DNAH8: variants seen among roughly 807,000 people sequenced by gnomAD.
The protein encoded by DNAH8 is dynein axonemal heavy chain 8, also known as axonemal beta dynein heavy chain 8.
A neutral mutation model predicts 562.1 loss-of-function variants in DNAH8; 382 were observed. That is an observed-to-expected ratio of 0.68 (90% confidence interval 0.63 to 0.74). The LOEUF is 0.74. Ranked by LOEUF, DNAH8 falls within the 30% of genes least tolerant of loss-of-function variation. The pLI is 0.00. For missense variants in DNAH8, 5,203 were observed against 5,620.4 expected, an observed-to-expected ratio of 0.93 and a Z score of 2.37; for synonymous variants, 1,881 against 1,919.4, an observed-to-expected ratio of 0.98 and a Z score of 0.52.
At chr6:38,909,921 G>A (rs552919623) in intron 65 of DNAH8, among the ~76,000 whole-genome samples, 177 bp downstream of exon 65, 2 of 152,162 alleles carry the variant, frequency 1.3e-5, no homozygotes, top group Non-Finnish European at 2.9e-5. Context: ...AAGTAAACAA[G>A]ATTTAAAAAC....
intron 82 of DNAH8, among the ~76,000 whole-genome samples, chr6:38,952,261 T>C (rs73731162): frequency 1.3e-5 from 2 of 151,988 alleles, no homozygotes; most frequent in South Asian, 2.1e-4. Context: ...AACACAGAAG[T>C]GTTTATAAGT....
chr6:38,936,801 A>G (rs1212262974), intron 77 of DNAH8, among the ~76,000 whole-genome samples: 1 of 152,186 alleles, frequency 6.6e-6, no homozygotes, highest in Non-Finnish European at 1.5e-5. Flanking sequence ...GGACTTCCAC[A>G]GTAGACAGCA....
chr6:38,979,687 G>A (rs1487951344), intron 85 of DNAH8, among the ~76,000 whole-genome samples: 1 of 152,154 alleles, frequency 6.6e-6, no homozygotes, highest in Non-Finnish European at 1.5e-5. Flanking sequence ...GCAAATCTCA[G>A]CATTAGGGCA....
Position 38,815,554 on chromosome 6 carries a change from C to T in DNAH8, c.3420C>T (p.His1140=), listed in dbSNP as rs767245933. ...LTLEVSRGVA[H]WGQQQIRPIK... ...TGGAGGTCAGCAGAGGAGTGGCTCACTGGGGGCAACAGCAAATCCGTCCCA... is the reference window on the plus strand; with the variant it reads ...TGGAGGTCAGCAGAGGAGTGGCTCATTGGGGGCAACAGCAAATCCGTCCCA... The change falls in exon 26 of 93, where the codon CAC becomes CAT. Residue 1140 remains histidine (H), a synonymous_variant. Coordinates refer to ENST00000327475, the MANE Select transcript of DNAH8 (RefSeq NM_001206927.2). The T allele has an allele frequency of 3.7e-6, 6 of 1,614,058 alleles. No homozygotes were observed. The highest frequency in any genetic ancestry group is 5.1e-6 in the Non-Finnish European group (6 of 1,179,934).
At chr6:38,796,665 T>G (rs1414131352) in intron 21 of DNAH8, among the ~76,000 whole-genome samples, 2 of 152,148 alleles carry the variant, frequency 1.3e-5, no homozygotes, top group African/African-American at 2.4e-5. Flanking sequence ...TCGTTCTGAT[T>G]ACCGGTGCAT....
intron 34 of DNAH8, 57 bp downstream of exon 34, chr6:38,842,562 T>C: frequency 6.3e-7 from 1 of 1,585,196 alleles, no homozygotes; most frequent in Non-Finnish European, 8.6e-7. Flanking sequence ...TATAGGTATT[T>C]CAGAAGCTAA....
chr6:39,027,539 G>A (rs1767377338), intron 92 of DNAH8, among the ~76,000 whole-genome samples: 1 of 152,160 alleles, frequency 6.6e-6, no homozygotes, highest in African/African-American at 2.4e-5. Flanking sequence ...CTTATTAAAG[G>A]AGTTGTGGCC....
intron 1 of DNAH8, among the ~76,000 whole-genome samples, chr6:38,717,627 ATT>A (rs34952417): frequency 0.12 from 16,829 of 142,986 alleles, 1,520 homozygotes; most frequent in African/African-American, 0.26. Flanking sequence ...TGTACACATG[ATT>A]TTTTTTTTTT....
chr6:39,008,272 A>G (rs1449699555), intron 88 of DNAH8, among the ~76,000 whole-genome samples: 1 of 152,080 alleles, frequency 6.6e-6, no homozygotes, highest in Non-Finnish European at 1.5e-5. Flanking sequence ...GCATGGCTGC[A>G]TTTGAACAGG....
Position 39,003,748 on chromosome 6 carries a change from T to C in DNAH8, c.13215-5066T>C, listed in dbSNP as rs747018376. ...TTTTATAAAGCTTTACTAGGATTTA[T>C]TATTACAAATACTGTTATAAAGTCA... On this transcript the variant is annotated intron_variant, in intron 88 of 92. Transcript: ENST00000327475. 1.1e-3 allele frequency among the ~76,000 whole-genome samples: 169 copies of C among 152,214 alleles called. 1 individual carries two copies. Among genetic ancestry groups the C allele is most frequent in the Non-Finnish European group, 1.2e-3 (80 of 68,030 alleles).
chr6:39,006,748 G>A (rs1765822292), intron 88 of DNAH8, among the ~76,000 whole-genome samples: 1 of 152,178 alleles, frequency 6.6e-6, no homozygotes, highest in African/African-American at 2.4e-5. Context: ...TTACAAACAT[G>A]GTGAATTCAG....
At chr6:38,726,431 T>A (rs2127569647) in intron 3 of DNAH8, among the ~76,000 whole-genome samples, 1 of 152,314 alleles carries the variant, frequency 6.6e-6, no homozygotes, top group Non-Finnish European at 1.5e-5. Context: ...GTAGAAGTGC[T>A]ATGTGCCTAC....
intron 88 of DNAH8, among the ~76,000 whole-genome samples, chr6:39,002,862 T>C (rs996440105): frequency 1.3e-5 from 2 of 152,204 alleles, no homozygotes; most frequent in African/African-American, 4.8e-5. Context: ...CTCGTATCAC[T>C]GTATCTGACT....
chr6:38,859,380 A>G (rs921780805), intron 42 of DNAH8, among the ~76,000 whole-genome samples: 1 of 152,228 alleles, frequency 6.6e-6, no homozygotes, highest in African/African-American at 2.4e-5. Context: ...AAGCAAGATC[A>G]TAACCAAACA....
At chr6:38,910,208 A>G (rs980498639) in intron 65 of DNAH8, among the ~76,000 whole-genome samples, 1 of 152,210 alleles carries the variant, frequency 6.6e-6, no homozygotes, top group Non-Finnish European at 1.5e-5. Context: ...CCAGACAACT[A>G]TGAAACAAAA....
chr6:38,984,478 A>G (rs1764242687), intron 87 of DNAH8, 171 bp downstream of exon 87: 3 of 557,718 alleles, frequency 5.4e-6, no homozygotes, highest in Non-Finnish European at 9.7e-6. Context: ...ATGCACACAC[A>G]CACACACACA....
At chr6:38,893,966 T>G (rs1779511984) in intron 58 of DNAH8, among the ~76,000 whole-genome samples, 1 of 152,236 alleles carries the variant, frequency 6.6e-6, no homozygotes, top group African/African-American at 2.4e-5. Context: ...GGTATCTCTC[T>G]GGGTAAGAAT....
intron 22 of DNAH8, among the ~76,000 whole-genome samples, chr6:38,804,488 C>A (rs1362183860): frequency 6.6e-6 from 1 of 152,120 alleles, no homozygotes; most frequent in Non-Finnish European, 1.5e-5. Context: ...TTACTACGCA[C>A]CTGCTCTTCT....
In DNAH8 at chr6:39,030,710, A is replaced by T. The variant is rs753862469; in HGVS notation, c.*318A>T. On this transcript the variant is annotated 3_prime_UTR_variant, in exon 93 of 93. Coordinates refer to ENST00000327475, the MANE Select transcript of DNAH8 (RefSeq NM_001206927.2). ...AAAAATTTGAAAGTGTTGATATGTG[A>T]CATCCTAAAAAGAGCCTAGTAGTTG... is the stretch of plus-strand genomic sequence containing the variant. Among the ~76,000 whole-genome samples the T allele has an allele frequency of 9.9e-5, 15 of 152,200 alleles. No homozygotes were observed. The highest frequency in any genetic ancestry group is 1.9e-4 in the Non-Finnish European group (13 of 68,024).
Sources: allele counts gnomAD v4.1 joint callset (sites outside exome capture counted in the v4.1 genomes callset), GRCh38; gene constraint gnomAD v4.1.1; transcripts MANE v1.5; gene names NCBI Gene and HGNC (gene_info 2026-07-23, HGNC 2026-07-21).